MMRN2: variants seen among roughly 807,000 people sequenced by gnomAD.
The protein encoded by MMRN2 is multimerin 2.
MMRN2 carries 53 observed loss-of-function variants against 68.8 expected under a neutral mutation model. That is an observed-to-expected ratio of 0.77 (90% CI 0.62 to 0.97). The LOEUF (loss-of-function observed/expected upper bound fraction) is 0.97. Among genes scored for constraint, MMRN2 ranks in the 50% least tolerant of loss-of-function variants. The pLI is 0.00. For missense variants in MMRN2, 1,266 were observed against 1,259.5 expected, an observed-to-expected ratio of 1.01 and a Z score of -0.08; for synonymous variants, 564 against 551.6, an observed-to-expected ratio of 1.02 and a Z score of -0.32.
At position 86,945,652 on chromosome 10, in the gene MMRN2, A is replaced by T; in HGVS notation, c.202T>A (p.Leu68Ile). 1 of 1,614,096 alleles carries T rather than the reference A, an allele frequency of 6.2e-7. No individual in the cohort carries two copies. Among genetic ancestry groups the T allele is most frequent in the Non-Finnish European group, 8.5e-7 (1 of 1,180,026 alleles). Residue 68 changes from leucine to isoleucine, a missense_variant, in exon 2 of 7, where the codon TTA becomes ATA. Physicochemically the swap from Leu to Ile is conservative, Grantham distance 5 (BLOSUM62 2). Transcript: ENST00000372027. ...TTCTCTGTTTTGCAAAGAGCTAGTA[A>T]GGTGACCAGCTTGGACATTGGGTAG... is the stretch of plus-strand genomic sequence containing the variant. ...CPYPMSKLVT[L>I]LALCKTEKFL... is the part of the protein sequence containing the mutation.
intron 1 of MMRN2, chr10:86,949,398 A>T (rs1360233764): frequency 6.6e-6 from 1 of 152,038 alleles, no homozygotes; most frequent in African/African-American, 2.4e-5. Flanking sequence ...TTGCCTGCAC[A>T]TCAACACCAT....
chr10:86,941,686 C>A (rs371227326), intron 6 of MMRN2, among the ~76,000 whole-genome samples: 1 of 151,298 alleles, frequency 6.6e-6, no homozygotes, highest in African/African-American at 2.4e-5. Flanking sequence ...TAAGTCCTAG[C>A]TACTCTGGAG....
intron 5 of MMRN2, 36 bp downstream of exon 5, chr10:86,944,226 C>G: frequency 6.3e-7 from 1 of 1,593,438 alleles, no homozygotes; most frequent in Non-Finnish European, 8.6e-7. Context: ...TCAATGTGAC[C>G]AGGCTCTTCC....
chr10:86,937,098 A>G lies in MMRN2; in HGVS notation c.2495T>C (p.Phe832Ser). The part of the protein sequence containing the change: ...AGSPVAFYAS[F>S]SEGTAALQTV... ...CTGCAGGGCAGCCGTCCCTTCTGAA[A>G]AGCTGGCATAGAAGGCCACAGGGGA... The change falls in exon 7 of 7, where the codon TTT becomes TCT. Residue 832 changes from phenylalanine to serine, a missense_variant. Phe to Ser is a radical substitution (Grantham distance 155). Coordinates refer to ENST00000372027, the MANE Select transcript of MMRN2 (RefSeq NM_024756.3). 7.4e-6 allele frequency: 12 copies of G among 1,614,214 alleles called. No homozygotes were observed. The highest frequency in any genetic ancestry group is 1.0e-5 in the Non-Finnish European group (12 of 1,180,030).
At chr10:86,952,221 A>G (rs938638250) in intron 1 of MMRN2, among the ~76,000 whole-genome samples, 2 of 152,196 alleles carry the variant, frequency 1.3e-5, no homozygotes, top group Non-Finnish European at 2.9e-5. Context: ...GGATCAGTCA[A>G]CGTAAAAAGG....
In MMRN2 at chr10:86,945,713, G is replaced by C. The variant is rs371898190; in HGVS notation, c.165-24C>G. ...TACTGGAAAACAAGCCAGAGGAGAA[G>C]GCTGCTGAGCCACACCCAGGTCAAC... On this transcript the variant is annotated intron_variant, in intron 1 of 6. Coordinates refer to ENST00000372027, the MANE Select transcript of MMRN2 (RefSeq NM_024756.3). 6.4e-5 allele frequency: 104 copies of C among 1,613,670 alleles called. 1 individual carries two copies. In the South Asian group the frequency reaches 1.1e-3, roughly 17 times the overall value.
In MMRN2 at chr10:86,957,563, G is replaced by T; in HGVS notation, c.-22C>A. 1 of 1,592,486 alleles carries T rather than the reference G, an allele frequency of 6.3e-7. No homozygotes were observed. Among genetic ancestry groups the T allele is most frequent in the Non-Finnish European group, 8.5e-7 (1 of 1,170,330 alleles). On this transcript the variant is annotated 5_prime_UTR_variant, in exon 1 of 7. In the 5' UTR this introduces an upstream ATG that the reference lacks. Transcript: ENST00000372027. ...TCATCTTGGTGGTGGGGCAGGCTCAGCTCACACTCAGCCTTGGCAAGTAGC... is the reference window on the plus strand; with the variant it reads ...TCATCTTGGTGGTGGGGCAGGCTCATCTCACACTCAGCCTTGGCAAGTAGC...
Position 86,956,434 on chromosome 10 carries a change from G to GC in MMRN2, c.164+943dup, listed in dbSNP as rs546222540. ...ATACACCGCACAGAAGTGTAAGTTG[G>GC]CCCCCCCCTCACTCCCTAAATCCAT... On this transcript the variant is annotated intron_variant, in intron 1 of 6. Coordinates refer to ENST00000372027, the MANE Select transcript of MMRN2 (RefSeq NM_024756.3). 5.7e-4 allele frequency among the ~76,000 whole-genome samples: 87 copies of GC among 151,790 alleles called. 1 individual carries two copies. The South Asian group carries it at 5.8e-3, about 10-fold the overall frequency.
At chr10:86,949,004 G>A (rs930098893) in intron 1 of MMRN2, 1 of 152,156 alleles carries the variant, frequency 6.6e-6, no homozygotes, top group Non-Finnish European at 1.5e-5. Context: ...TCAATTTCCA[G>A]ATTAAAAGCA....
At position 86,952,303 on chromosome 10, in the gene MMRN2, C is replaced by T. The variant is rs1050552453; in HGVS notation, c.164+5075G>A. ...ACACTGAAACAGAGAGCTGGGAAGG[C>T]GCTGGCCCCAGAGCTCAGGAGCCAC... On this transcript the variant is annotated intron_variant, in intron 1 of 6. Transcript: ENST00000372027. 5.3e-5 allele frequency among the ~76,000 whole-genome samples: 8 copies of T among 152,166 alleles called. No individual in the cohort carries two copies. In the East Asian group the frequency reaches 7.7e-4, roughly 15 times the overall value.
chr10:86,955,772 G>A (rs1262813798), intron 1 of MMRN2, among the ~76,000 whole-genome samples: 1 of 152,162 alleles, frequency 6.6e-6, no homozygotes, highest in Non-Finnish European at 1.5e-5. Context: ...TTGCCCTGTG[G>A]AGACTGCAGC....
At position 86,942,333 on chromosome 10, in the gene MMRN2, C is replaced by T. The variant is rs137969913; in HGVS notation, c.2451G>A (p.Ala817=). The change falls in exon 6 of 7, where the codon GCG becomes GCA. Residue 817 remains alanine, a synonymous_variant. Transcript: ENST00000372027. Reference sequence around the variant, plus strand: ...GGAACTCACCTGCCTCCCAGAGCGCCGCGCCCAAGGCACCTGGCACAGGCC... The same window carrying T: ...GGAACTCACCTGCCTCCCAGAGCGCTGCGCCCAAGGCACCTGGCACAGGCC... ...VTGPVPGALG[A]ALWEAGSPVA... 353 of 1,611,360 alleles carry T rather than the reference C, an allele frequency of 2.2e-4. No individual in the cohort carries two copies. Among genetic ancestry groups the T allele is most frequent in the Middle Eastern group, 3.3e-4 (2 of 6,050 alleles).
intron 1 of MMRN2, among the ~76,000 whole-genome samples, chr10:86,955,836 A>C (rs1406526825): frequency 6.6e-6 from 1 of 152,046 alleles, no homozygotes; most frequent in Non-Finnish European, 1.5e-5. Context: ...GGCTTGGGAC[A>C]CCTGGGCATT....
intron 6 of MMRN2, 117 bp from the exon 7 acceptor site, chr10:86,937,242 A>AGAT (rs1473447034): frequency 1.8e-6 from 2 of 1,084,630 alleles, no homozygotes; most frequent in Non-Finnish European, 2.6e-6. Context: ...CACTATTTCT[A>AGAT]GATAACCTAG....
chr10:86,937,240 C>CCAT, intron 6 of MMRN2, 115 bp from the exon 7 acceptor site: 3 of 1,079,900 alleles, frequency 2.8e-6, no homozygotes, highest in Non-Finnish European at 3.9e-6. Context: ...GTCACTATTT[C>CCAT]TAGATAACCT....
chr10:86,945,286 A>G lies in MMRN2; in HGVS notation c.401-18T>C. ...CATGGAATCTGCAGAAGAAAGCATT[A>G]GTTATTGACCCCAGTGGTCAGAGGA... On this transcript the variant is annotated intron_variant, in intron 3 of 6. Coordinates refer to ENST00000372027, the MANE Select transcript of MMRN2 (RefSeq NM_024756.3). 1 of 1,613,300 alleles carries G rather than the reference A, an allele frequency of 6.2e-7. No homozygotes were observed. Among genetic ancestry groups the G allele is most frequent in the Non-Finnish European group, 8.5e-7 (1 of 1,179,908 alleles).
At chr10:86,941,838 CAAAA>C (rs796814379) in intron 6 of MMRN2, among the ~76,000 whole-genome samples, 1 of 29,378 alleles carries the variant, frequency 3.4e-5, no homozygotes, top group African/African-American at 8.3e-5. Flanking sequence ...AAAAAAAAAA[CAAAA>C]AAAAAACTAA....
intron 1 of MMRN2, chr10:86,949,915 A>AATAATG (rs60684972): frequency 6.7e-6 from 1 of 149,370 alleles, no homozygotes. Context: ...TAATAATAAT[A>AATAATG]GTCTTGGGCC....
Position 86,943,613 on chromosome 10 carries a change from C to G in MMRN2, c.1171G>C (p.Glu391Gln). 1 of 1,613,980 alleles carries G rather than the reference C, an allele frequency of 6.2e-7. No individual in the cohort carries two copies. Among genetic ancestry groups the G allele is most frequent in the East Asian group, 2.2e-5 (1 of 44,874 alleles). ...TCCAGGGTGTACTGCAACTCCTCCT[C>G]CCTGCGGGCCGTGGTCATGTGCAGC... ...SELHMTTARR[E>Q]EELQYTLEDM... Residue 391 changes from glutamate (E) to glutamine (Q), a missense_variant, in exon 6 of 7, where the codon GAG (glutamate) becomes CAG (glutamine). Glu to Gln is a conservative substitution (Grantham distance 29). Coordinates refer to ENST00000372027, the MANE Select transcript of MMRN2 (RefSeq NM_024756.3). The surrounding 1 kb of genome is among the most constrained non-coding windows in gnomAD (Gnocchi z 4.2).
Sources: gnomAD v4.1 joint callset for allele counts (sites outside exome capture counted in the v4.1 genomes callset) on GRCh38, gnomAD v4.1.1 for gene constraint, Gnocchi (gnomAD v3.1) non-coding constraint, MANE v1.5 for transcripts, NCBI Gene and HGNC (gene_info 2026-07-23, HGNC 2026-07-21) for gene names.